GALNT13: variants seen among roughly 807,000 people sequenced by gnomAD.
GALNT13 encodes the protein polypeptide N-acetylgalactosaminyltransferase 13.
In GALNT13, 28 loss-of-function variants were observed where a neutral mutation model predicts 64.2. The ratio of observed to expected loss-of-function variants is 0.44; its 90% CI spans 0.32 to 0.60. The LOEUF (loss-of-function observed/expected upper bound fraction) is 0.60, where lower values mean the gene tolerates loss of function less well. Among genes scored for constraint, GALNT13 ranks in the 20% least tolerant of loss-of-function variants. GALNT13 has a pLI of 0.05. For missense variants in GALNT13, 577 were observed against 669.8 expected (o/e 0.86, Z 1.53); for synonymous variants, 214 against 224.6 (o/e 0.95, Z 0.42).
chr2:154,107,118 A>G (rs1702662426), intron 3 of GALNT13, among the ~76,000 whole-genome samples: 1 of 152,112 alleles, frequency 6.6e-6, no homozygotes, highest in African/African-American at 2.4e-5. Context: ...TTTGAGTGGA[A>G]GCAGCCTAAG....
chr2:154,397,713 A>T (rs528580857), intron 10 of GALNT13, among the ~76,000 whole-genome samples: 1 of 152,206 alleles, frequency 6.6e-6, no homozygotes, highest in African/African-American at 2.4e-5. Flanking sequence ...TAAGTGCCAT[A>T]TTCATGCCTT....
At chr2:154,134,827 A>G (rs991366351) in intron 3 of GALNT13, among the ~76,000 whole-genome samples, 2 of 152,154 alleles carry the variant, frequency 1.3e-5, no homozygotes, top group African/African-American at 4.8e-5. Flanking sequence ...CCCAGTGTCT[A>G]ATAAAAATAC....
intron 9 of GALNT13, among the ~76,000 whole-genome samples, chr2:154,339,941 AAT>A (rs1408822868): frequency 1.3e-5 from 2 of 152,054 alleles, no homozygotes; most frequent in Non-Finnish European, 2.9e-5. Context: ...ATGTTTTGTA[AAT>A]ATATATTTTA....
At chr2:153,441,697 C>A in the GALNT13 span, among the ~76,000 whole-genome samples, 1 of 152,048 alleles carries the variant, frequency 6.6e-6, no homozygotes, top group Non-Finnish European at 1.5e-5. Flanking sequence ...GTATTTTATT[C>A]TCTTTGTAGC....
chr2:154,135,095 G>C (rs540322907), intron 3 of GALNT13, among the ~76,000 whole-genome samples: 1 of 152,150 alleles, frequency 6.6e-6, no homozygotes, highest in Non-Finnish European at 1.5e-5. Flanking sequence ...TTTATGTACA[G>C]ATTATTGCTG....
chr2:153,971,353 A>T (rs1410931503), intron 3 of GALNT13, among the ~76,000 whole-genome samples: 1 of 151,996 alleles, frequency 6.6e-6, no homozygotes, highest in African/African-American at 2.4e-5. Context: ...ACTTATTTAC[A>T]TTCTTTCTTT....
At chr2:153,674,078 T>C in the GALNT13 span, among the ~76,000 whole-genome samples, 5 of 152,064 alleles carry the variant, frequency 3.3e-5, no homozygotes, top group Admixed American at 2.0e-4. Context: ...AAGAACATTC[T>C]ATGCTCATGG....
the GALNT13 span, among the ~76,000 whole-genome samples, chr2:153,575,561 G>C: frequency 6.6e-6 from 1 of 152,172 alleles, no homozygotes; most frequent in Non-Finnish European, 1.5e-5. Context: ...TTGTAGTGCA[G>C]CTGAGTTGGT....
the GALNT13 span, among the ~76,000 whole-genome samples, chr2:153,731,744 G>T: frequency 6.6e-6 from 1 of 151,838 alleles, no homozygotes; most frequent in Admixed American, 6.6e-5. Context: ...TTTTATATTT[G>T]CCAATTTTAT....
intron 2 of GALNT13, among the ~76,000 whole-genome samples, chr2:153,936,256 A>G (rs1690905596): frequency 1.3e-5 from 2 of 152,250 alleles, no homozygotes; most frequent in African/African-American, 4.8e-5. Flanking sequence ...ATTAGGTGTT[A>G]TGAATAATCT....
chr2:153,575,071 T>C, the GALNT13 span, among the ~76,000 whole-genome samples: 1 of 152,140 alleles, frequency 6.6e-6, no homozygotes, highest in Non-Finnish European at 1.5e-5. Flanking sequence ...GTTTGTGCTT[T>C]AGGAGGCACC....
At chr2:153,729,883 A>G in the GALNT13 span, among the ~76,000 whole-genome samples, 1 of 151,846 alleles carries the variant, frequency 6.6e-6, no homozygotes, top group Admixed American at 6.6e-5. Context: ...AGCTACAAAA[A>G]TAGTAAAATA....
the GALNT13 span, among the ~76,000 whole-genome samples, chr2:153,082,616 TATACACAC>T: frequency 7.5e-4 from 20 of 26,580 alleles, no homozygotes; most frequent in Non-Finnish European, 1.1e-3. Context: ...TATATATATA[TATACACAC>T]ACACACACAC....
the GALNT13 span, among the ~76,000 whole-genome samples, chr2:153,556,563 A>C: frequency 6.6e-6 from 1 of 152,208 alleles, no homozygotes; most frequent in East Asian, 1.9e-4. Context: ...CAAAGGTACA[A>C]CACGTAATGA....
At chr2:153,962,941 C>T (rs575767827) in intron 3 of GALNT13, among the ~76,000 whole-genome samples, 4 of 152,266 alleles carry the variant, frequency 2.6e-5, no homozygotes, top group South Asian at 2.1e-4. Flanking sequence ...GGTGTATCAG[C>T]GGTTCTGTTG....
At chr2:153,631,657 T>C in the GALNT13 span, among the ~76,000 whole-genome samples, 2 of 152,214 alleles carry the variant, frequency 1.3e-5, no homozygotes, top group South Asian at 4.1e-4. Flanking sequence ...TTGATGGGGT[T>C]GTTTTTTTCT....
chr2:153,634,393 G>T, the GALNT13 span, among the ~76,000 whole-genome samples: 3 of 151,778 alleles, frequency 2.0e-5, no homozygotes, highest in African/African-American at 7.3e-5. Context: ...TACACTGATG[G>T]GACATTTTAT....
intron 4 of GALNT13, among the ~76,000 whole-genome samples, chr2:154,187,884 T>C (rs1686347549): frequency 6.6e-6 from 1 of 152,154 alleles, no homozygotes; most frequent in Non-Finnish European, 1.5e-5. Context: ...CAAACCCTAC[T>C]AGTTCATCAA....
the GALNT13 span, among the ~76,000 whole-genome samples, chr2:153,580,623 A>G: frequency 1.3e-5 from 2 of 152,226 alleles, no homozygotes. Context: ...AGAAACAAAA[A>G]TAGAGGAAAG....
Sources: gnomAD v4.1 joint callset for allele counts (sites outside exome capture counted in the v4.1 genomes callset) on GRCh38, gnomAD v4.1.1 for gene constraint, MANE v1.5 for transcripts, NCBI Gene and HGNC (gene_info 2026-07-23, HGNC 2026-07-21) for gene names.